Variants in BCL9 observed in about 807,000 individuals in gnomAD.
BCL9 encodes the protein B-cell CLL/lymphoma 9 protein.
In BCL9, 25 loss-of-function variants were observed where a neutral mutation model predicts 88.5. That is an observed-to-expected ratio of 0.28 (90% confidence interval 0.21 to 0.39). The LOEUF (loss-of-function observed/expected upper bound fraction) is 0.39. Ranked by LOEUF, BCL9 falls within the 10% of genes least tolerant of loss-of-function variation. BCL9 has a pLI of 1.00. For missense variants in BCL9, 1,817 were observed against 1,877.8 expected (o/e 0.97, Z 0.60); for synonymous variants, 711 against 673.3 (o/e 1.06, Z -0.87).
At chr1:147,554,393 T>C (rs587689381) in intron 1 of BCL9, among the ~76,000 whole-genome samples, 1 of 152,222 alleles carries the variant, frequency 6.6e-6, no homozygotes, top group African/African-American at 2.4e-5. Flanking sequence ...TGACATTGTA[T>C]AAATTTATTT....
At chr1:147,605,617 A>G (rs922774375) in intron 2 of BCL9, among the ~76,000 whole-genome samples, 6 of 152,236 alleles carry the variant, frequency 3.9e-5, no homozygotes, top group Non-Finnish European at 5.9e-5. Context: ...ATGTACATTA[A>G]TATTTTGCTT....
Position 147,625,021 on chromosome 1 carries a change from T to C in BCL9, c.*62T>C. ...GAGATTCCAGGTCCTGAGAGCTGCTTTGAGGGAGTTCCAGGAGTACTTACT... is the reference window on the plus strand; with the variant it reads ...GAGATTCCAGGTCCTGAGAGCTGCTCTGAGGGAGTTCCAGGAGTACTTACT... On this transcript the variant is annotated 3_prime_UTR_variant, in exon 10 of 10. Coordinates refer to ENST00000234739, the MANE Select transcript of BCL9 (RefSeq NM_004326.4). 6.5e-7 allele frequency: 1 copy of C among 1,550,136 alleles called. No individual in the cohort carries two copies. Among genetic ancestry groups the C allele is most frequent in the Non-Finnish European group, 8.8e-7 (1 of 1,142,086 alleles).
intron 3 of BCL9, among the ~76,000 whole-genome samples, chr1:147,608,543 G>T (rs1207331902): frequency 6.6e-6 from 1 of 151,966 alleles, no homozygotes; most frequent in African/African-American, 2.4e-5. Context: ...AGAGGAGATA[G>T]ATATTGATGA....
At chr1:147,570,711 C>T (rs1377466293) in intron 1 of BCL9, among the ~76,000 whole-genome samples, 1 of 146,976 alleles carries the variant, frequency 6.8e-6, no homozygotes, top group Non-Finnish European at 1.5e-5. Flanking sequence ...TCTCAGCTCA[C>T]TGCAAACTCT....
At chr1:147,583,826 A>C (rs1656478272) in intron 1 of BCL9, among the ~76,000 whole-genome samples, 1 of 151,224 alleles carries the variant, frequency 6.6e-6, no homozygotes, top group African/African-American at 2.4e-5. Flanking sequence ...GGTGGCTGGC[A>C]CTTGTAATCC....
At chr1:147,547,089 G>A (rs1391142699) in intron 1 of BCL9, among the ~76,000 whole-genome samples, 14 of 152,012 alleles carry the variant, frequency 9.2e-5, no homozygotes, top group African/African-American at 1.9e-4. Context: ...CATGCTATGC[G>A]TTTAACACTA....
chr1:147,614,197 A>C (rs1490575390), intron 5 of BCL9, among the ~76,000 whole-genome samples: 3 of 152,170 alleles, frequency 2.0e-5, no homozygotes, highest in African/African-American at 7.2e-5. Context: ...CATTTACACT[A>C]ATATATGAAG....
In BCL9 at chr1:147,620,048, G is replaced by A. The variant is rs1553204871; in HGVS notation, c.1893G>A (p.Met631Ile). 1 of 1,614,190 alleles carries A rather than the reference G, an allele frequency of 6.2e-7. No individual in the cohort carries two copies. The highest frequency in any genetic ancestry group is 8.5e-7 in the Non-Finnish European group (1 of 1,180,038). Residue 631 changes from methionine (M) to isoleucine (I), a missense_variant, in exon 8 of 10, where the codon ATG becomes ATA. Transcript: ENST00000234739. Reference sequence around the variant, plus strand: ...ACCCCCAAGGATTGTCTGAAGAGATGTTTCAGCAGCAGCTGGCAGAGAAAC... The same window carrying A: ...ACCCCCAAGGATTGTCTGAAGAGATATTTCAGCAGCAGCTGGCAGAGAAAC... ...FPNPQGLSEE[M>I]FQQQLAEKQL...
chr1:147,604,125 T>A (rs1331708609), intron 1 of BCL9, among the ~76,000 whole-genome samples: 1 of 152,190 alleles, frequency 6.6e-6, no homozygotes, highest in Non-Finnish European at 1.5e-5. Context: ...ACAGAATTGC[T>A]AATAATACCA....
Position 147,620,732 on chromosome 1 carries a change from C to G in BCL9, c.2577C>G (p.Gly859=), listed in dbSNP as rs782655520. 3.7e-6 allele frequency: 6 copies of G among 1,614,138 alleles called. No homozygotes were observed. In the Middle Eastern group the frequency reaches 8.2e-4, roughly 222 times the overall value. ...CAGGCAGCCAGGTGCATTCCCCAGG[C>G]ATTAACCCTCTGAAGTCTCCCACGA... ...SVAGSQVHSP[G]INPLKSPTMH... is the part of the protein sequence containing the mutation. Residue 859 remains glycine (G), a synonymous_variant, in exon 8 of 10, where the codon GGC becomes GGG. Transcript: ENST00000234739.
intron 1 of BCL9, among the ~76,000 whole-genome samples, chr1:147,556,384 A>G (rs1211824106): frequency 6.6e-6 from 1 of 151,496 alleles, no homozygotes; most frequent in Admixed American, 6.6e-5. Context: ...TCGGCCTCCC[A>G]AAGTGCTGGG....
intron 1 of BCL9, among the ~76,000 whole-genome samples, chr1:147,591,951 G>C (rs1415495751): frequency 2.0e-5 from 3 of 152,112 alleles, no homozygotes; most frequent in East Asian, 1.9e-4. Context: ...CTGGAGGAGG[G>C]GTATTTATCC....
rs189740820 is a variant in BCL9, at chr1:147,588,100, A to G, written c.-477-16677A>G. On this transcript the variant is annotated intron_variant, in intron 1 of 9. Transcript: ENST00000234739. ...GTGATGACTATAAGCGGTATTTGGG[A>G]TATCTGTGATTCTGCTGGTTAAAAA... Among the ~76,000 whole-genome samples, 105 of 152,280 alleles carry G rather than the reference A, an allele frequency of 6.9e-4. 1 individual carries two copies. Among genetic ancestry groups the G allele is most frequent in the Non-Finnish European group, 8.8e-5 (6 of 68,026 alleles).
At chr1:147,582,582 C>T (rs1196463436) in intron 1 of BCL9, among the ~76,000 whole-genome samples, 1 of 152,106 alleles carries the variant, frequency 6.6e-6, no homozygotes, top group Non-Finnish European at 1.5e-5. Flanking sequence ...TGTTTTTGTA[C>T]AGCCTATGAG....
At position 147,604,905 on chromosome 1, in the gene BCL9, T is replaced by C. The variant is rs782609207; in HGVS notation, c.-349T>C. On this transcript the variant is annotated 5_prime_UTR_variant, in exon 2 of 10. Coordinates refer to ENST00000234739, the MANE Select transcript of BCL9 (RefSeq NM_004326.4). ...TAGAAGAAATAGCAAATTGGACATATTGAAAGGTAAAGAATATTCTGATAA... is the reference window on the plus strand; with the variant it reads ...TAGAAGAAATAGCAAATTGGACATACTGAAAGGTAAAGAATATTCTGATAA... 3 of 152,202 alleles carry C rather than the reference T, an allele frequency of 2.0e-5. No homozygotes were observed. Among genetic ancestry groups the C allele is most frequent in the Non-Finnish European group, 4.4e-5 (3 of 68,030 alleles). The allele number at this position is 152,202 out of a possible 1,614,324, so 9.4% of individuals were successfully genotyped here.
At chr1:147,563,473 T>A (rs77944781) in intron 1 of BCL9, among the ~76,000 whole-genome samples, 3,126 of 152,248 alleles carry the variant, frequency 0.021, 49 homozygotes, top group Non-Finnish European at 0.031. Flanking sequence ...CCTAGATACA[T>A]GGGGTTAGGA....
intron 1 of BCL9, among the ~76,000 whole-genome samples, chr1:147,567,750 G>A (rs1553196892): frequency 2.0e-5 from 3 of 152,126 alleles, no homozygotes; most frequent in African/African-American, 7.2e-5. Context: ...GCTTAAAACC[G>A]TTCTTGTCTT....
At chr1:147,581,092 G>A (rs1345598584) in intron 1 of BCL9, among the ~76,000 whole-genome samples, 2 of 152,078 alleles carry the variant, frequency 1.3e-5, no homozygotes, top group Non-Finnish European at 2.9e-5. Context: ...ACCTGGTTCT[G>A]CCTCTAATTA....
chr1:147,542,581 C>T (rs782337378), intron 1 of BCL9, among the ~76,000 whole-genome samples: 5 of 152,262 alleles, frequency 3.3e-5, no homozygotes, highest in African/African-American at 1.2e-4. Context: ...ATTAAAGACA[C>T]CCTGAGACAA....
Sources: gnomAD v4.1 joint callset for allele counts (sites outside exome capture counted in the v4.1 genomes callset) on GRCh38, gnomAD v4.1.1 for gene constraint, MANE v1.5 for transcripts, NCBI Gene and HGNC (gene_info 2026-07-23, HGNC 2026-07-21) for gene names.